XRN2: variants seen among roughly 807,000 people sequenced by gnomAD.
The protein encoded by XRN2 is 5'-3' exoribonuclease 2, also known as DHM1-like protein.
A neutral mutation model predicts 138.5 loss-of-function variants in XRN2; 44 were observed. The observed-to-expected ratio is 0.32, with a 90% CI of 0.25 to 0.41. XRN2 has a LOEUF of 0.41. Among genes scored for constraint, XRN2 ranks in the 10% least tolerant of loss-of-function variants. The pLI is 1.00. For synonymous variants in XRN2, 354 were observed against 369.4 expected (o/e 0.96, Z 0.48); for missense variants, 937 against 1,169.3 (o/e 0.80, Z 2.90).
chr20:21,333,613 C>T lies in XRN2; in HGVS notation c.928C>T (p.Arg310Cys), dbSNP rs2038245271. 6.2e-7 allele frequency: 1 copy of T among 1,613,628 alleles called. No homozygotes were observed. Among genetic ancestry groups the T allele is most frequent in the Non-Finnish European group, 8.5e-7 (1 of 1,179,618 alleles). ...EFIFLRLNVL[R>C]EYLERELTMA... ...TATCTTCCTTCGGCTTAATGTTCTT[C>T]GTGAGGTATGTAGCAATAATCATTG... Residue 310 changes from arginine to cysteine, a missense_variant, in exon 10 of 30, where the codon CGT becomes TGT. Arg to Cys is a radical substitution (Grantham distance 180). Transcript: ENST00000377191.
chr20:21,344,235 G>T, intron 16 of XRN2, 27 bp downstream of exon 16: 1 of 1,558,206 alleles, frequency 6.4e-7, no homozygotes, highest in Non-Finnish European at 8.8e-7. Flanking sequence ...GTAGCACTTT[G>T]TTAGCAAATT....
In XRN2 at chr20:21,374,297, T is replaced by G. The variant is rs531488646; in HGVS notation, c.2584+5707T>G. On this transcript the variant is annotated intron_variant, in intron 27 of 29. Coordinates refer to ENST00000377191, the MANE Select transcript of XRN2 (RefSeq NM_012255.5). The stretch of plus-strand genomic sequence containing the variant: ...ATTTTATTTATTTATTTTCTAATCT[T>G]AATGCCTTTTTTGTTTGTTTTTTGT... Among the ~76,000 whole-genome samples the G allele has an allele frequency of 1.1e-4, 17 of 152,316 alleles. 1 individual carries two copies. Among genetic ancestry groups the G allele is most frequent in the African/African-American group, 3.8e-4 (16 of 41,584 alleles).
At chr20:21,373,503 G>A (rs1380482609) in intron 27 of XRN2, among the ~76,000 whole-genome samples, 1 of 152,222 alleles carries the variant, frequency 6.6e-6, no homozygotes, top group African/African-American at 2.4e-5. Flanking sequence ...TTGCAAGACT[G>A]TAGGATTGTG....
chr20:21,330,696 A>G lies in XRN2; in HGVS notation c.567A>G (p.Lys189=). 5 of 1,612,284 alleles carry G rather than the reference A, an allele frequency of 3.1e-6. No individual in the cohort carries two copies. Among genetic ancestry groups the G allele is most frequent in the Non-Finnish European group, 4.2e-6 (5 of 1,179,844 alleles). ...GTTTAAATAATGACCCTGGGTGGAA[A>G]AATTTGACAGTAAGTTTCACATTTT... ...ADRLNNDPGW[K]NLTVILSDAS... Residue 189 remains lysine (K), a synonymous_variant, in exon 6 of 30, where the codon AAA becomes AAG. Transcript: ENST00000377191.
chr20:21,360,073 C>G (rs1228369942), intron 24 of XRN2, among the ~76,000 whole-genome samples: 2 of 152,140 alleles, frequency 1.3e-5, no homozygotes, highest in Non-Finnish European at 1.5e-5. Flanking sequence ...ATAGTCAACT[C>G]TAACCTAGGA....
chr20:21,305,835 C>G (rs1238953874), intron 1 of XRN2, among the ~76,000 whole-genome samples: 1 of 68,042 alleles, frequency 1.5e-5, no homozygotes, highest in African/African-American at 4.0e-5. Context: ...CTGCAAGCTC[C>G]GCCTTCGGGG....
chr20:21,323,932 C>G (rs2038083436), intron 1 of XRN2, among the ~76,000 whole-genome samples: 1 of 152,104 alleles, frequency 6.6e-6, no homozygotes, highest in African/African-American at 2.4e-5. Flanking sequence ...ATCATATGGC[C>G]AGCAGGTCTG....
At chr20:21,316,632 C>G (rs181382042) in intron 1 of XRN2, among the ~76,000 whole-genome samples, 11 of 152,276 alleles carry the variant, frequency 7.2e-5, no homozygotes, top group Admixed American at 7.2e-4. Flanking sequence ...CAATTCCATT[C>G]CATTGATCTA....
rs2122146049 is a variant in XRN2, at chr20:21,303,698, A to G, written c.75+225A>G. 6 of 1,280,348 alleles carry G rather than the reference A, an allele frequency of 4.7e-6. No homozygotes were observed. In the South Asian group the frequency reaches 1.5e-4, roughly 31 times the overall value. 79.3% of individuals were successfully genotyped at this position (1,280,348 alleles called of 1,614,324 possible). On this transcript the variant is annotated intron_variant, in intron 1 of 29. Coordinates refer to ENST00000377191, the MANE Select transcript of XRN2 (RefSeq NM_012255.5). ...GACCCTCGGCGGGGCAAGGGCCTATAGGGTTCCGAACTCGCAGGAGGGTCG... is the reference window on the plus strand; with the variant it reads ...GACCCTCGGCGGGGCAAGGGCCTATGGGGTTCCGAACTCGCAGGAGGGTCG...
intron 27 of XRN2, among the ~76,000 whole-genome samples, chr20:21,376,839 G>C (rs1382771896): frequency 1.3e-5 from 2 of 152,172 alleles, no homozygotes; most frequent in Non-Finnish European, 2.9e-5. Context: ...GAGTTTGTGG[G>C]GGTCAAAGTG....
At chr20:21,351,310 T>C (rs2122262758) in intron 20 of XRN2, among the ~76,000 whole-genome samples, 2 of 152,338 alleles carry the variant, frequency 1.3e-5, no homozygotes, top group East Asian at 3.9e-4. Context: ...GTATGAATGG[T>C]ATTTCATTGT....
At chr20:21,377,734 G>A (rs1385398413) in intron 27 of XRN2, among the ~76,000 whole-genome samples, 1 of 152,190 alleles carries the variant, frequency 6.6e-6, no homozygotes, top group Non-Finnish European at 1.5e-5. Context: ...AAGGAAGAGA[G>A]ATAGAGGGCA....
chr20:21,342,356 GA>G (rs377633058), intron 15 of XRN2, among the ~76,000 whole-genome samples: 410 of 152,058 alleles, frequency 2.7e-3, no homozygotes, highest in African/African-American at 9.3e-3. Context: ...CTAATTTGAT[GA>G]AAAAAACAGC....
chr20:21,371,686 TTTC>T (rs2038763725), intron 27 of XRN2, among the ~76,000 whole-genome samples: 1 of 152,224 alleles, frequency 6.6e-6, no homozygotes, highest in Non-Finnish European at 1.5e-5. Context: ...TCCTTATCAG[TTTC>T]TTTTTTCTTG....
intron 20 of XRN2, among the ~76,000 whole-genome samples, chr20:21,352,180 C>A (rs2038518055): frequency 6.6e-6 from 1 of 152,016 alleles, no homozygotes; most frequent in East Asian, 1.9e-4. Context: ...AATACAGTTT[C>A]TTCCTCATAC....
intron 24 of XRN2, among the ~76,000 whole-genome samples, chr20:21,360,702 A>G (rs928472207): frequency 6.6e-6 from 1 of 151,844 alleles, no homozygotes; most frequent in African/African-American, 2.4e-5. Flanking sequence ...TGGATTTTTT[A>G]AGTAACTATT....
intron 24 of XRN2, among the ~76,000 whole-genome samples, chr20:21,364,220 G>A (rs1045734702): frequency 3.9e-5 from 6 of 152,146 alleles, no homozygotes; most frequent in Admixed American, 1.3e-4. Context: ...TATTATCTGA[G>A]TTCTTCCTTT....
intron 27 of XRN2, among the ~76,000 whole-genome samples, chr20:21,380,781 C>T (rs968701881): frequency 8.5e-5 from 13 of 152,218 alleles, no homozygotes; most frequent in African/African-American, 3.1e-4. Context: ...GCTGCAGAAA[C>T]TTTTCCAGCT....
intron 8 of XRN2, 99 bp downstream of exon 8, chr20:21,331,917 C>T: frequency 7.6e-7 from 1 of 1,320,014 alleles, no homozygotes; most frequent in Non-Finnish European, 1.1e-6. Context: ...CCTGGAAGTT[C>T]CAAAATGCCT....
Sources: allele counts gnomAD v4.1 joint callset (sites outside exome capture counted in the v4.1 genomes callset), GRCh38; gene constraint gnomAD v4.1.1; transcripts MANE v1.5; gene names NCBI Gene and HGNC (gene_info 2026-07-23, HGNC 2026-07-21).